FBH1: variants seen among roughly 807,000 people sequenced by gnomAD.
FBH1 encodes DNA 3'-5' helicase 1.
FBH1 carries 43 observed loss-of-function variants against 115.5 expected under a neutral mutation model. That is an observed-to-expected ratio of 0.37 (90% CI 0.29 to 0.48). FBH1 has a LOEUF of 0.48. FBH1 is among the 20% of genes least tolerant of loss of function. FBH1 has a pLI of 0.99. For synonymous variants in FBH1, 524 were observed against 507.8 expected (o/e 1.03, Z -0.43); for missense variants, 1,001 against 1,337.3 (o/e 0.75, Z 3.92).
At chr10:5,890,052 G>C (rs898228167), upstream of FBH1, 1 of 293,780 alleles carries the variant, frequency 3.4e-6, no homozygotes, top group South Asian at 1.6e-4. Flanking sequence ...GCGTGGCCCG[G>C]TAGCTGTGGC....
rs374744286 is a variant in FBH1, at chr10:5,909,231, C to G, written c.957C>G (p.Pro319=). ...ERVLWSLRDH[P]LLPEAEACVR... ...TGCTGTGGAGTCTGAGGGACCACCC[C>G]CTCCTCCCCGAGGCTGAGGCGTGTG... is the stretch of plus-strand genomic sequence containing the variant. The change falls in exon 5 of 21, where the codon CCC becomes CCG. Residue 319 remains proline (P), a synonymous_variant. Transcript: ENST00000362091. This position sits in a 1 kb window ranked among gnomAD's most constrained non-coding sequence, Gnocchi z 4.4. The G allele has an allele frequency of 3.1e-6, 5 of 1,613,306 alleles. No individual in the cohort carries two copies. Among genetic ancestry groups the G allele is most frequent in the Admixed American group, 3.3e-5 (2 of 59,996 alleles).
intron 1 of FBH1, among the ~76,000 whole-genome samples, chr10:5,896,693 C>G (rs1358893547): frequency 6.6e-6 from 1 of 151,982 alleles, no homozygotes; most frequent in Non-Finnish European, 1.5e-5. Flanking sequence ...TTGCAAAGCC[C>G]CGTAAGTGAT....
Position 5,936,786 on chromosome 10 carries a change from C to A in FBH1, c.2961+199C>A. ...GGGCACGTGATGCTGCCTGGCTGTG[C>A]TGAAGCCGCAGGTCTGGGAGGCTGG... On this transcript the variant is annotated intron_variant, in intron 20 of 20. Coordinates refer to ENST00000362091, the MANE Select transcript of FBH1 (RefSeq NM_178150.3). The surrounding 1 kb of genome is among the most constrained non-coding windows in gnomAD (Gnocchi z 5.6). The A allele has an allele frequency of 1.4e-6, 1 of 690,958 alleles. No homozygotes were observed. The highest frequency in any genetic ancestry group is 2.4e-6 in the Non-Finnish European group (1 of 424,424). The allele number at this position is 690,958 out of a possible 1,614,324, so 42.8% of individuals were successfully genotyped here. A position where few individuals can be genotyped will look rare whatever the true frequency, so the allele number is the denominator to read the frequency against.
Position 5,925,191 on chromosome 10 carries a change from G to A in FBH1, c.2597-176G>A. 1 of 742,268 alleles carries A rather than the reference G, an allele frequency of 1.3e-6. No homozygotes were observed. The highest frequency in any genetic ancestry group is 2.1e-6 in the Non-Finnish European group (1 of 474,896). 46.0% of individuals were successfully genotyped at this position (742,268 alleles called of 1,614,324 possible). ...TTCCCCTCGTCTTTTTCTTTTTTCT[G>A]TTCCCGACAGTTGTCTGTTCCCGAC... On this transcript the variant is annotated intron_variant, in intron 17 of 20. Transcript: ENST00000362091. The surrounding 1 kb of genome is among the most constrained non-coding windows in gnomAD (Gnocchi z 4.6).
intron 1 of FBH1, chr10:5,894,509 C>T (rs369805065): frequency 5.3e-6 from 5 of 946,028 alleles, no homozygotes; most frequent in Non-Finnish European, 8.8e-6. Flanking sequence ...GAGGTGACTT[C>T]AGGCAAGTCC....
In FBH1 at chr10:5,906,810, CTT is replaced by C. The variant is rs1365860070; in HGVS notation, c.753+180_753+181del. ...CTGCCCCACCCTATGACTCTAGCCT[CTT>C]TGTTCACTTCCACTCAACACAGCTT... On this transcript the variant is annotated intron_variant, in intron 3 of 20. Transcript: ENST00000362091. The surrounding 1 kb of genome is among the most constrained non-coding windows in gnomAD (Gnocchi z 7.3). Among the ~76,000 whole-genome samples the C allele has an allele frequency of 1.3e-5, 2 of 152,176 alleles. No individual in the cohort carries two copies. Among genetic ancestry groups the C allele is most frequent in the Non-Finnish European group, 2.9e-5 (2 of 68,028 alleles).
Position 5,917,714 on chromosome 10 carries a change from G to T in FBH1, c.1963+38G>T, listed in dbSNP as rs868578478. On this transcript the variant is annotated intron_variant, in intron 12 of 20. Transcript: ENST00000362091. The surrounding 1 kb of genome is among the most constrained non-coding windows in gnomAD (Gnocchi z 5.6). ...TCAGGACATCAGTAGTGTCAAATAC[G>T]TAGAAACAGCGCCATGATTATGTAA... 6.7e-7 allele frequency: 1 copy of T among 1,493,004 alleles called. No homozygotes were observed. Among genetic ancestry groups the T allele is most frequent in the Non-Finnish European group, 9.3e-7 (1 of 1,074,234 alleles). The allele number at this position is 1,493,004 out of a possible 1,614,324, so 92.5% of individuals were successfully genotyped here.
rs1831885951 is a variant in FBH1 at position 5,915,728 on chromosome 10, G to A, written c.1565+157G>A. 3.1e-6 allele frequency: 2 copies of A among 655,052 alleles called. No individual in the cohort carries two copies. Among genetic ancestry groups the A allele is most frequent in the South Asian group, 1.9e-5 (1 of 51,566 alleles). The allele number at this position is 655,052 out of a possible 1,614,324, so 40.6% of individuals were successfully genotyped here. ...GGCAGGAAACAAATACATAGGTTTA[G>A]CCATTTGTACTTTTATCCTGTAGCA... is the stretch of plus-strand genomic sequence containing the variant. On this transcript the variant is annotated intron_variant, in intron 9 of 20. Transcript: ENST00000362091. This position sits in a 1 kb window ranked among gnomAD's most constrained non-coding sequence, Gnocchi z 5.2.
chr10:5,890,480 C>T (rs557021465), intron 1 of FBH1, 134 bp downstream of exon 1: 72 of 306,694 alleles, frequency 2.3e-4, no homozygotes, highest in African/African-American at 1.5e-3. Context: ...CGAGGCTGGG[C>T]TCGGGCAAGC....
At position 5,915,617 on chromosome 10, in the gene FBH1, G is replaced by A. The variant is rs376212328; in HGVS notation, c.1565+46G>A. The A allele has an allele frequency of 7.1e-5, 112 of 1,575,820 alleles. No homozygotes were observed. Among genetic ancestry groups the A allele is most frequent in the Non-Finnish European group, 8.6e-5 (99 of 1,151,334 alleles). The stretch of plus-strand genomic sequence containing the variant: ...TGGCACTGTTGCTGCTGGCACGGTC[G>A]CGTCTTACTGTTTTCCCGTGACGAT... On this transcript the variant is annotated intron_variant, in intron 9 of 20. Transcript: ENST00000362091. This position sits in a 1 kb window ranked among gnomAD's most constrained non-coding sequence, Gnocchi z 5.2.
chr10:5,904,918 C>A (rs1843605751), intron 2 of FBH1, among the ~76,000 whole-genome samples: 1 of 152,012 alleles, frequency 6.6e-6, no homozygotes, highest in Admixed American at 6.6e-5. Context: ...GAGTTTCAGT[C>A]CATTCTCTTC....
At chr10:5,920,046 G>A (rs1027522600) in intron 13 of FBH1, among the ~76,000 whole-genome samples, 4 of 152,174 alleles carry the variant, frequency 2.6e-5, no homozygotes, top group Non-Finnish European at 5.9e-5. Flanking sequence ...TGTGACTTCA[G>A]GAGCCCATCC....
intron 19 of FBH1, among the ~76,000 whole-genome samples, chr10:5,929,037 G>A (rs1282098081): frequency 6.6e-6 from 1 of 152,090 alleles, no homozygotes; most frequent in Non-Finnish European, 1.5e-5. Context: ...TTGAGTAAAT[G>A]ATATTCAACT....
chr10:5,908,936 G>A lies in FBH1; in HGVS notation c.765G>A (p.Trp255Ter). Reference protein sequence around the residue: ...EIISDPLFIPWKKLYHRYLMN... With the variant: ...EIISDPLFIP Reference sequence around the variant, plus strand: ...TTTTAACTGCATAGTTCATTCCTTGGAAGAAGCTGTACCATCGATACCTGA... The same window carrying A: ...TTTTAACTGCATAGTTCATTCCTTGAAAGAAGCTGTACCATCGATACCTGA... Residue 255 changes from tryptophan (W) to a stop codon, truncating the protein, a stop_gained, in exon 4 of 21, where the codon TGG becomes TGA. Coordinates refer to ENST00000362091, the MANE Select transcript of FBH1 (RefSeq NM_178150.3). LOFTEE classifies it high-confidence loss of function. 3 of 1,614,066 alleles carry A rather than the reference G, an allele frequency of 1.9e-6. No homozygotes were observed. The highest frequency in any genetic ancestry group is 2.5e-6 in the Non-Finnish European group (3 of 1,180,038).
intron 3 of FBH1, among the ~76,000 whole-genome samples, chr10:5,907,793 T>A (rs991900929): frequency 1.3e-5 from 2 of 152,230 alleles, no homozygotes; most frequent in Admixed American, 1.3e-4. Context: ...TTGTTTAATA[T>A]CCATATATTT....
rs1831580682 is a variant in FBH1, at chr10:5,911,377, A to G, written c.1211+249A>G. Among the ~76,000 whole-genome samples, 1 of 152,216 alleles carries G rather than the reference A, an allele frequency of 6.6e-6. No homozygotes were observed. The highest frequency in any genetic ancestry group is 2.4e-5 in the African/African-American group (1 of 41,452). On this transcript the variant is annotated intron_variant, in intron 6 of 20. Transcript: ENST00000362091. The surrounding 1 kb of genome is among the most constrained non-coding windows in gnomAD (Gnocchi z 5.4). The stretch of plus-strand genomic sequence containing the variant: ...TACCACTAAGGCTGATTTTACCATC[A>G]TGGGTCCTGCAGCCTTAGGGGAAGC...
upstream of FBH1, chr10:5,889,734 C>T (rs888865771): frequency 4.9e-5 from 8 of 161,996 alleles, no homozygotes; most frequent in African/African-American, 1.9e-4. Flanking sequence ...TGATTCGGGA[C>T]TGAACACGTA....
chr10:5,905,945 A>C, intron 2 of FBH1, 92 bp from the exon 3 acceptor site: 1 of 869,314 alleles, frequency 1.2e-6, no homozygotes. Flanking sequence ...ATTAACATAG[A>C]TAATTGAAAA....
chr10:5,899,728 C>G (rs1346058095), intron 1 of FBH1, among the ~76,000 whole-genome samples: 1 of 152,224 alleles, frequency 6.6e-6, no homozygotes, highest in East Asian at 1.9e-4. Flanking sequence ...CTCTACCTGT[C>G]TCTTTTGCAG....
Sources: allele counts gnomAD v4.1 joint callset (sites outside exome capture counted in the v4.1 genomes callset), GRCh38; gene constraint gnomAD v4.1.1; non-coding constraint Gnocchi (gnomAD v3.1); transcripts MANE v1.5; gene names NCBI Gene and HGNC (gene_info 2026-07-23, HGNC 2026-07-21).